The following KIF23 variants were observed in gnomAD, a reference collection of about 807,000 sequenced individuals.
The protein encoded by KIF23 is kinesin-like protein KIF23.
KIF23 carries 30 observed loss-of-function variants against 137.5 expected under a neutral mutation model. The ratio of observed to expected loss-of-function variants is 0.22; its 90% CI spans 0.16 to 0.30. The LOEUF is 0.30. Ranked by LOEUF, KIF23 falls within the 10% of genes least tolerant of loss-of-function variation. The probability of loss-of-function intolerance (pLI) is 1.00; values close to 1 mark genes in which losing one functional copy is unlikely to be tolerated. For missense variants in KIF23, 920 were observed against 1,194.3 expected (o/e 0.77, Z 3.38); for synonymous variants, 367 against 391.1 (o/e 0.94, Z 0.73).
intron 17 of KIF23, 83 bp from the exon 18 acceptor site, chr15:69,440,225 T>G (rs1350125398): frequency 2.6e-6 from 4 of 1,518,876 alleles, no homozygotes; most frequent in Non-Finnish European, 3.5e-6. Context: ...CTGTCATTTT[T>G]AGGAAATAAA....
intron 13 of KIF23, 35 bp from the exon 14 acceptor site, chr15:69,436,102 TA>T (rs760443116): frequency 6.3e-7 from 1 of 1,596,590 alleles, no homozygotes; most frequent in Non-Finnish European, 8.5e-7. Context: ...TGGATATCCT[TA>T]TTTTTTTTTA....
At position 69,414,438 on chromosome 15, in the gene KIF23, G is replaced by C. The variant is rs764580766; in HGVS notation, c.-28G>C. ...TTCGCCAGCCAGCCGTCCCGCATGCGCGTTTGGGCGGCGTGGAGCCTGCTG... is the reference window on the plus strand; with the variant it reads ...TTCGCCAGCCAGCCGTCCCGCATGCCCGTTTGGGCGGCGTGGAGCCTGCTG... On this transcript the variant is annotated 5_prime_UTR_variant, in exon 1 of 24. Transcript: ENST00000679126. The C allele has an allele frequency of 1.3e-6, 2 of 1,582,064 alleles. No homozygotes were observed. Among genetic ancestry groups the C allele is most frequent in the East Asian group, 2.3e-5 (1 of 43,292 alleles).
In KIF23 at chr15:69,435,552, G is replaced by T. The variant is rs368956809; in HGVS notation, c.1184G>T (p.Gly395Val). ...GTCCTAAGAGAGAACCAAATGTATGGAACTAACAAGGTAAGCAGCAGCCTT... is the reference window on the plus strand; with the variant it reads ...GTCCTAAGAGAGAACCAAATGTATGTAACTAACAAGGTAAGCAGCAGCCTT... ...MDVLRENQMY[G>V]TNKMVPYRDS... Residue 395 changes from glycine to valine, a missense_variant, in exon 12 of 24, where the codon GGA becomes GTA. Around this residue, in one of 4 missense-constraint regions of KIF23, gnomAD observed 714 missense variants for 866.2 expected, o/e 0.82. Coordinates refer to ENST00000679126, the MANE Select transcript of KIF23 (RefSeq NM_001367805.3). 1 of 1,613,856 alleles carries T rather than the reference G, an allele frequency of 6.2e-7. No homozygotes were observed. The highest frequency in any genetic ancestry group is 2.2e-5 in the East Asian group (1 of 44,868).
chr15:69,431,053 A>G (rs2057344802), intron 11 of KIF23, among the ~76,000 whole-genome samples: 1 of 152,224 alleles, frequency 6.6e-6, no homozygotes, highest in African/African-American at 2.4e-5. Context: ...AAGAGCAGTT[A>G]GGAGCCTTTT....
intron 3 of KIF23, among the ~76,000 whole-genome samples, chr15:69,419,217 G>A (rs547415134): frequency 6.6e-6 from 1 of 152,318 alleles, no homozygotes; most frequent in South Asian, 2.1e-4. Flanking sequence ...TTTGCTGAGT[G>A]TGCTTTGGGT....
chr15:69,436,817 C>A, intron 15 of KIF23, 95 bp downstream of exon 15: 1 of 756,124 alleles, frequency 1.3e-6, no homozygotes, highest in Non-Finnish European at 1.9e-6. Flanking sequence ...TGCAGTGGCA[C>A]AATCTCGGTT....
intron 4 of KIF23, 29 bp from the exon 5 acceptor site, chr15:69,421,963 A>G: frequency 6.2e-7 from 1 of 1,611,328 alleles, no homozygotes; most frequent in Non-Finnish European, 8.5e-7. Context: ...CTTCTAAGAT[A>G]TAACTCATTG....
chr15:69,446,523 C>T, intron 22 of KIF23, 159 bp downstream of exon 22: 1 of 643,658 alleles, frequency 1.6e-6, no homozygotes, highest in Non-Finnish European at 2.8e-6. Context: ...CAAGAATCCA[C>T]TTCATCAGGA....
rs771616837 is a variant in KIF23, at chr15:69,440,745, TAATTTTTCTCC to T, written c.2110-13_2110-3del. On this transcript the variant is annotated splice_polypyrimidine_tract_variant and intron_variant, in intron 18 of 23. Coordinates refer to ENST00000679126, the MANE Select transcript of KIF23 (RefSeq NM_001367805.3). ...CTCTCAGTTTTTCAGTCTTGCTCAT[TAATTTTTCTCC>T]AATTTTTCTAGCTTTCTAGTAACTA... 27 of 1,568,430 alleles carry T rather than the reference TAATTTTTCTCC, an allele frequency of 1.7e-5. No homozygotes were observed. In the African/African-American group the frequency reaches 3.3e-4, roughly 19 times the overall value.
At chr15:69,419,826 C>G (rs1319435788) in intron 3 of KIF23, among the ~76,000 whole-genome samples, 1 of 152,126 alleles carries the variant, frequency 6.6e-6, no homozygotes, top group Non-Finnish European at 1.5e-5. Context: ...TAGTTAAACA[C>G]TGATTTACTG....
chr15:69,442,298 G>T (rs1567079578), intron 19 of KIF23, among the ~76,000 whole-genome samples: 2 of 152,012 alleles, frequency 1.3e-5, no homozygotes, highest in African/African-American at 2.4e-5. Flanking sequence ...CCTCATTCAA[G>T]GGTATTTAAA....
Position 69,446,082 on chromosome 15 carries a change from C to A in KIF23, c.2747C>A (p.Ser916Ter). Residue 916 changes from serine to a stop codon, truncating the protein, a stop_gained, in exon 21 of 24, where the codon TCA becomes TAA. Coordinates refer to ENST00000679126, the MANE Select transcript of KIF23 (RefSeq NM_001367805.3). LOFTEE classifies it high-confidence loss of function. ...FTDIETLKQE[S>*]PNGSRKRRSS... ...GATATTGAGACTTTAAAGCAAGAATCACCAAATGGGTAAGTAACCATCAAA... is the reference window on the plus strand; with the variant it reads ...GATATTGAGACTTTAAAGCAAGAATAACCAAATGGGTAAGTAACCATCAAA... 1 of 1,612,404 alleles carries A rather than the reference C, an allele frequency of 6.2e-7. No homozygotes were observed. The highest frequency in any genetic ancestry group is 1.1e-5 in the South Asian group (1 of 91,008).
In KIF23 at chr15:69,421,204, C is replaced by T. The variant is rs187580864; in HGVS notation, c.211-443C>T. Among the ~76,000 whole-genome samples the T allele has an allele frequency of 2.1e-3, 312 of 152,140 alleles. 3 individuals carry two copies. Among genetic ancestry groups the T allele is most frequent in the Non-Finnish European group, 3.3e-3 (222 of 68,002 alleles). On this transcript the variant is annotated intron_variant, in intron 3 of 23. Coordinates refer to ENST00000679126, the MANE Select transcript of KIF23 (RefSeq NM_001367805.3). ...GATCAGGAGTTTGACACCAGCCTAA[C>T]ATGGTGAAACCCGTCTCTACTAAAA...
At position 69,440,890 on chromosome 15, in the gene KIF23, G is replaced by A. The variant is rs146430886; in HGVS notation, c.2232G>A (p.Glu744=). 78 of 1,614,184 alleles carry A rather than the reference G, an allele frequency of 4.8e-5. No homozygotes were observed. In the African/African-American group the frequency reaches 9.3e-4, roughly 19 times the overall value. The part of the protein sequence containing the change: ...ISVASCISEW[E]QKIPTYNTPL... Reference sequence around the variant, plus strand: ...TAGCTTCCTGTATTTCGGAATGGGAGCAGAAAATTCCTACGTACAACACAC... The same window carrying A: ...TAGCTTCCTGTATTTCGGAATGGGAACAGAAAATTCCTACGTACAACACAC... Residue 744 remains glutamate, a synonymous_variant, in exon 19 of 24, where the codon GAG becomes GAA. Coordinates refer to ENST00000679126, the MANE Select transcript of KIF23 (RefSeq NM_001367805.3).
chr15:69,439,949 C>T lies in KIF23; in HGVS notation c.1801C>T (p.Arg601Cys), dbSNP rs749649102. The part of the protein sequence containing the change: ...KTTTIYEEDK[R>C]NLQQELETQN... ...AACTACTATCTATGAGGAAGATAAACGCAATTTGCAACAGGAACTTGAAAC... is the reference window on the plus strand; with the variant it reads ...AACTACTATCTATGAGGAAGATAAATGCAATTTGCAACAGGAACTTGAAAC... The change falls in exon 17 of 24, where the codon CGC becomes TGC. Residue 601 changes from arginine to cysteine, a missense_variant. Physicochemically the swap from Arg to Cys is radical, Grantham distance 180 (BLOSUM62 -3). This residue lies in a region of KIF23 where 714 missense variants were observed against 866.2 expected (regional missense o/e 0.82). Coordinates refer to ENST00000679126, the MANE Select transcript of KIF23 (RefSeq NM_001367805.3). The T allele has an allele frequency of 1.4e-5, 23 of 1,613,818 alleles. No individual in the cohort carries two copies. The highest frequency in any genetic ancestry group is 1.6e-4 in the Middle Eastern group (1 of 6,084).
In KIF23 at chr15:69,440,354, G is replaced by C; in HGVS notation, c.1976G>C (p.Trp659Ser). The C allele has an allele frequency of 6.2e-7, 1 of 1,613,816 alleles. No individual in the cohort carries two copies. The highest frequency in any genetic ancestry group is 8.5e-7 in the Non-Finnish European group (1 of 1,179,940). The change falls in exon 18 of 24, where the codon TGG becomes TCG. Residue 659 changes from tryptophan (W) to serine (S), a missense_variant. Transcript: ENST00000679126. ...AKQLEMQNKL[W>S]VKDEKLKQLK... ...CAGCTGGAGATGCAGAATAAACTCT[G>C]GGTTAAAGATGAAAAGCTGAAACAA...
chr15:69,426,065 C>T lies in KIF23; in HGVS notation c.777-5C>T, dbSNP rs2057181615. On this transcript the variant is annotated splice_region_variant and splice_polypyrimidine_tract_variant and intron_variant, in intron 8 of 23. Coordinates refer to ENST00000679126, the MANE Select transcript of KIF23 (RefSeq NM_001367805.3). ...GGAGACTAATCTTTTTTTTCTTTCC[C>T]ATAGACCTCCACAATCTAAATTGCT... 5 of 1,552,904 alleles carry T rather than the reference C, an allele frequency of 3.2e-6. No individual in the cohort carries two copies. Among genetic ancestry groups the T allele is most frequent in the Non-Finnish European group, 4.3e-6 (5 of 1,156,902 alleles).
chr15:69,444,993 C>T lies in KIF23; in HGVS notation c.2625C>T (p.Thr875=). 1 of 1,613,976 alleles carries T rather than the reference C, an allele frequency of 6.2e-7. No homozygotes were observed. Among genetic ancestry groups the T allele is most frequent in the Non-Finnish European group, 8.5e-7 (1 of 1,179,970 alleles). The change falls in exon 20 of 24, where the codon ACC becomes ACT. Residue 875 remains threonine (T), a synonymous_variant. Coordinates refer to ENST00000679126, the MANE Select transcript of KIF23 (RefSeq NM_001367805.3). The surrounding 1 kb of genome is among the most constrained non-coding windows in gnomAD (Gnocchi z 4.2). ...CTAAGTGTGAGAAGTACATGCTGAC[C>T]CACCAGGAACTAGCCTCCGATGGGG... is the stretch of plus-strand genomic sequence containing the variant. The part of the protein sequence containing the change: ...ALAKCEKYML[T]HQELASDGEI...
At position 69,438,324 on chromosome 15, in the gene KIF23, A is replaced by G; in HGVS notation, c.1674A>G (p.Leu558=). ...LSKENHMQGK[L]NEKEKMISGQ... ...AAGAAAACCACATGCAAGGGAAACT[A>G]AATGAAAAGGAGAAGATGATCTCAG... Residue 558 remains leucine, a synonymous_variant, in exon 16 of 24, where the codon CTA becomes CTG. Transcript: ENST00000679126. 1 of 1,613,504 alleles carries G rather than the reference A, an allele frequency of 6.2e-7. No individual in the cohort carries two copies. Among genetic ancestry groups the G allele is most frequent in the Non-Finnish European group, 8.5e-7 (1 of 1,179,786 alleles).
Sources: gnomAD v4.1 joint callset for allele counts (sites outside exome capture counted in the v4.1 genomes callset) on GRCh38, gnomAD v4.1.1 for gene constraint, gnomAD v4.1.1 regional missense constraint, Gnocchi (gnomAD v3.1) non-coding constraint, MANE v1.5 for transcripts, NCBI Gene and HGNC (gene_info 2026-07-23, HGNC 2026-07-21) for gene names.